Variants in RANBP3 observed in about 807,000 individuals in gnomAD.
RANBP3 encodes RAN binding protein 3.
In RANBP3, 14 loss-of-function variants were observed where a neutral mutation model predicts 77.3. The ratio of observed to expected loss-of-function variants is 0.18; its 90% confidence interval spans 0.12 to 0.28. The LOEUF (loss-of-function observed/expected upper bound fraction) is 0.28, where lower values mean the gene tolerates loss of function less well. Ranked by LOEUF, RANBP3 falls within the 10% of genes least tolerant of loss-of-function variation. The probability of loss-of-function intolerance (pLI) is 1.00; values close to 1 mark genes in which losing one functional copy is unlikely to be tolerated. For missense variants in RANBP3, 586 were observed against 752.3 expected, an observed-to-expected ratio of 0.78 and a Z score of 2.59; for synonymous variants, 315 against 312.4, an observed-to-expected ratio of 1.01 and a Z score of -0.09.
chr19:5,956,421 T>C (rs1483702183), intron 2 of RANBP3, among the ~76,000 whole-genome samples: 1 of 152,156 alleles, frequency 6.6e-6, no homozygotes, highest in Admixed American at 6.5e-5. Context: ...TAAGCTGTAC[T>C]TGTCAGGGCC....
At chr19:5,951,314 G>T (rs2058271288) in intron 3 of RANBP3, 79 bp downstream of exon 3, 1 of 1,322,216 alleles carries the variant, frequency 7.6e-7, no homozygotes, top group Non-Finnish European at 1.1e-6. Flanking sequence ...GCCAGGATCT[G>T]AGGGACCCGA....
chr19:5,948,471 T>TAAATTCCCCC (rs1193284186), intron 3 of RANBP3, among the ~76,000 whole-genome samples: 1 of 148,968 alleles, frequency 6.7e-6, no homozygotes, highest in Non-Finnish European at 1.5e-5. Flanking sequence ...AAAAAAAAGA[T>TAAATTCCCCC]AAATTCCCCC....
intron 1 of RANBP3, among the ~76,000 whole-genome samples, chr19:5,975,331 A>G (rs1432099414): frequency 6.6e-6 from 1 of 152,118 alleles, no homozygotes; most frequent in East Asian, 1.9e-4. Flanking sequence ...TGAAGTTCAA[A>G]ACATTCCATT....
Position 5,932,456 on chromosome 19 carries a change from C to A in RANBP3, c.561G>T (p.Gln187His), listed in dbSNP as rs745543097. 1 of 1,613,774 alleles carries A rather than the reference C, an allele frequency of 6.2e-7. No individual in the cohort carries two copies. Among genetic ancestry groups the A allele is most frequent in the Non-Finnish European group, 8.5e-7 (1 of 1,179,928 alleles). Residue 187 changes from glutamine to histidine, a missense_variant, in exon 7 of 17, where the codon CAG becomes CAT. This residue lies in a region of RANBP3 where 232 missense variants were observed against 271.7 expected (regional missense o/e 0.85). Coordinates refer to ENST00000340578, the MANE Select transcript of RANBP3 (RefSeq NM_007322.3). ...LQAPQPKALS[Q>H]TVPSSGTNGV... ...GCCAGGGCTGCTGTTTCTTACCAGT[C>A]TGGGACAGCGCCTTTGGCTGCGGAG... is the stretch of plus-strand genomic sequence containing the variant.
chr19:5,974,268 C>T (rs933950675), intron 1 of RANBP3: 7 of 152,368 alleles, frequency 4.6e-5, no homozygotes, highest in African/African-American at 7.2e-5. Flanking sequence ...GTTTCCACCA[C>T]GCATGTCCAC....
chr19:5,977,302 C>T (rs1177165550), intron 1 of RANBP3, among the ~76,000 whole-genome samples: 1 of 151,886 alleles, frequency 6.6e-6, no homozygotes, highest in African/African-American at 2.4e-5. Flanking sequence ...GGTGCCTTCT[C>T]GGGGGATCTG....
intron 8 of RANBP3, among the ~76,000 whole-genome samples, chr19:5,928,747 A>G (rs145284577): frequency 2.4e-4 from 32 of 133,330 alleles, no homozygotes; most frequent in African/African-American, 8.7e-4. Context: ...TTTTGTGTAA[A>G]TATTTTCAAC....
chr19:5,921,083 G>T lies in RANBP3; in HGVS notation c.1330+118C>A. 1 of 1,337,004 alleles carries T rather than the reference G, an allele frequency of 7.5e-7. No homozygotes were observed. Among genetic ancestry groups the T allele is most frequent in the Non-Finnish European group, 1.0e-6 (1 of 993,362 alleles). 82.8% of individuals were successfully genotyped at this position (1,337,004 alleles called of 1,614,324 possible). On this transcript the variant is annotated intron_variant, in intron 14 of 16. Coordinates refer to ENST00000340578, the MANE Select transcript of RANBP3 (RefSeq NM_007322.3). The surrounding 1 kb of genome is among the most constrained non-coding windows in gnomAD (Gnocchi z 5.3). ...GGCTCTCATGGGAGACCGACTCTGT[G>T]CCTTGACTCTCACAAGGGTAGGGTC...
At position 5,967,082 on chromosome 19, in the gene RANBP3, A is replaced by G. The variant is rs143272991; in HGVS notation, c.23-9109T>C. ...ACTGACGTGTCAGGTCTGTCCTCCA[A>G]CTGATTCTTTGGTACGGAATGGAAC... is the stretch of plus-strand genomic sequence containing the variant. On this transcript the variant is annotated intron_variant, in intron 1 of 16. Transcript: ENST00000340578. Among the ~76,000 whole-genome samples the G allele has an allele frequency of 1.8e-3, 276 of 152,326 alleles. 1 individual carries two copies. The highest frequency in any genetic ancestry group is 6.0e-3 in the African/African-American group (250 of 41,578).
At chr19:5,964,195 G>A (rs534345780) in intron 1 of RANBP3, among the ~76,000 whole-genome samples, 46 of 152,304 alleles carry the variant, frequency 3.0e-4, no homozygotes, top group Non-Finnish European at 1.2e-4. Context: ...TGCAGCCCCA[G>A]CGATGAGCAC....
At chr19:5,923,951 T>C in intron 11 of RANBP3, 37 bp from the exon 12 acceptor site, 6 of 1,520,942 alleles carry the variant, frequency 3.9e-6, no homozygotes, top group Non-Finnish European at 5.5e-6. Flanking sequence ...AAGAGGGCAC[T>C]TGTGTGGTCC....
intron 5 of RANBP3, among the ~76,000 whole-genome samples, chr19:5,940,966 G>A (rs1290122237): frequency 6.6e-6 from 1 of 152,242 alleles, no homozygotes; most frequent in African/African-American, 2.4e-5. Flanking sequence ...CAGCCTGCAT[G>A]AGTCCCCAGG....
In RANBP3 at chr19:5,959,941, T is replaced by C. The variant is rs1217781583; in HGVS notation, c.23-1968A>G. Among the ~76,000 whole-genome samples the C allele has an allele frequency of 2.6e-5, 4 of 152,154 alleles. No homozygotes were observed. The highest frequency in any genetic ancestry group is 5.9e-5 in the Non-Finnish European group (4 of 68,028). On this transcript the variant is annotated intron_variant, in intron 1 of 16. Transcript: ENST00000340578. This position sits in a 1 kb window ranked among gnomAD's most constrained non-coding sequence, Gnocchi z 5.1. The stretch of plus-strand genomic sequence containing the variant: ...TCGTCCCCCTGTCCCCCAGTTCAGA[T>C]GGAGCCAAGCTCAGCCCCAGCTCCA...
At position 5,923,987 on chromosome 19, in the gene RANBP3, C is replaced by G; in HGVS notation, c.997-73G>C. 1.1e-5 allele frequency: 13 copies of G among 1,193,586 alleles called. No individual in the cohort carries two copies. The South Asian group carries it at 1.5e-4, about 14-fold the overall frequency. The allele number at this position is 1,193,586 out of a possible 1,614,324, so 73.9% of individuals were successfully genotyped here. A position where few individuals can be genotyped will look rare whatever the true frequency, so the allele number is the denominator to read the frequency against. On this transcript the variant is annotated intron_variant, in intron 11 of 16. Coordinates refer to ENST00000340578, the MANE Select transcript of RANBP3 (RefSeq NM_007322.3). ...TTCAGCAGCAGCTCTGAGCACCTCT[C>G]TGCCTGGCCCCCAACACTACGCTGC...
At chr19:5,947,541 CATG>C (rs1303284201) in intron 3 of RANBP3, among the ~76,000 whole-genome samples, 1 of 152,114 alleles carries the variant, frequency 6.6e-6, no homozygotes, top group African/African-American at 2.4e-5. Context: ...ATTTCAACAC[CATG>C]ATGACAACAT....
At chr19:5,938,038 C>G (rs1028861162) in intron 5 of RANBP3, among the ~76,000 whole-genome samples, 11 of 152,210 alleles carry the variant, frequency 7.2e-5, no homozygotes, top group Admixed American at 6.5e-4. Context: ...CCAAGCCCCT[C>G]TGCAGGATGA....
intron 14 of RANBP3, among the ~76,000 whole-genome samples, chr19:5,920,358 C>T (rs1470771026): frequency 6.6e-6 from 1 of 152,096 alleles, no homozygotes; most frequent in Non-Finnish European, 1.5e-5. Context: ...TGTATTCCAG[C>T]CTGGGTGATG....
At chr19:5,919,748 A>G (rs1229769176) in intron 14 of RANBP3, among the ~76,000 whole-genome samples, 1 of 152,096 alleles carries the variant, frequency 6.6e-6, no homozygotes, top group African/African-American at 2.4e-5. Flanking sequence ...AAAGTATAAA[A>G]AAATTAGCCA....
In RANBP3 at chr19:5,968,418, G is replaced by A. The variant is rs535412416; in HGVS notation, c.22+9643C>T. 4.6e-5 allele frequency among the ~76,000 whole-genome samples: 7 copies of A among 152,324 alleles called. No homozygotes were observed. In the South Asian group the frequency reaches 8.3e-4, roughly 18 times the overall value. ...TGTTATTTCACCCCAGGCAGCTTCG[G>A]CAAGGATGAAATGAAATGCTGCACA... On this transcript the variant is annotated intron_variant, in intron 1 of 16. Coordinates refer to ENST00000340578, the MANE Select transcript of RANBP3 (RefSeq NM_007322.3).
Sources: allele counts gnomAD v4.1 joint callset (sites outside exome capture counted in the v4.1 genomes callset), GRCh38; gene constraint gnomAD v4.1.1; regional missense constraint gnomAD v4.1.1; non-coding constraint Gnocchi (gnomAD v3.1); transcripts MANE v1.5; gene names NCBI Gene and HGNC (gene_info 2026-07-23, HGNC 2026-07-21).